Variants in CCDC175 observed in about 807,000 individuals in gnomAD.
CCDC175 encodes coiled-coil domain containing 175.
A neutral mutation model predicts 114.6 loss-of-function variants in CCDC175; 100 were observed. That is an observed-to-expected ratio of 0.87 (90% confidence interval 0.74 to 1.03). The LOEUF (loss-of-function observed/expected upper bound fraction) is 1.03, where lower values mean the gene tolerates loss of function less well. Ranked by LOEUF, CCDC175 falls within the 50% of genes least tolerant of loss-of-function variation. The pLI is 0.00. For synonymous variants in CCDC175, 306 were observed against 308.7 expected, an observed-to-expected ratio of 0.99 and a Z score of 0.09; for missense variants, 880 against 917.8, an observed-to-expected ratio of 0.96 and a Z score of 0.53.
chr14:59,541,330 C>T (rs1443419519), intron 10 of CCDC175, among the ~76,000 whole-genome samples: 1 of 152,158 alleles, frequency 6.6e-6, no homozygotes, highest in Non-Finnish European at 1.5e-5. Flanking sequence ...AGAAGATTTT[C>T]TTGTGGTAGG....
chr14:59,574,279 T>C (rs1415411686), intron 2 of CCDC175, among the ~76,000 whole-genome samples: 9 of 152,210 alleles, frequency 5.9e-5, no homozygotes, highest in African/African-American at 1.9e-4. Flanking sequence ...TAAATTCTTA[T>C]CCAATATTTT....
intron 13 of CCDC175, among the ~76,000 whole-genome samples, chr14:59,535,904 T>C (rs933832807): frequency 1.6e-5 from 2 of 124,272 alleles, no homozygotes; most frequent in African/African-American, 6.7e-5. Context: ...AATATCATGC[T>C]CCTTTGGGGC....
At chr14:59,511,351 T>A (rs1231081672) in intron 18 of CCDC175, among the ~76,000 whole-genome samples, 1 of 152,088 alleles carries the variant, frequency 6.6e-6, no homozygotes, top group Non-Finnish European at 1.5e-5. Context: ...CCCCAGCCTA[T>A]CTGACTCTGA....
intron 7 of CCDC175, among the ~76,000 whole-genome samples, chr14:59,560,555 T>C (rs1208223131): frequency 2.0e-5 from 3 of 152,160 alleles, no homozygotes; most frequent in Non-Finnish European, 1.5e-5. Flanking sequence ...GACATTGCCA[T>C]GTGCTCACCA....
intron 13 of CCDC175, among the ~76,000 whole-genome samples, chr14:59,532,469 G>A (rs1894124294): frequency 6.6e-6 from 1 of 152,184 alleles, no homozygotes; most frequent in Non-Finnish European, 1.5e-5. Flanking sequence ...ATTTTAAATG[G>A]TGACTAAGGC....
chr14:59,525,266 G>A lies in CCDC175; in HGVS notation c.1995+16C>T. 7.0e-7 allele frequency: 1 copy of A among 1,420,774 alleles called. No individual in the cohort carries two copies. Among genetic ancestry groups the A allele is most frequent in the Non-Finnish European group, 9.1e-7 (1 of 1,093,562 alleles). 88.0% of individuals were successfully genotyped at this position (1,420,774 alleles called of 1,614,324 possible). On this transcript the variant is annotated intron_variant, in intron 16 of 19. Coordinates refer to ENST00000537690, the MANE Select transcript of CCDC175 (RefSeq NM_001164399.2). ...AATCAAAGCCATCATGAAAAGGATG[G>A]TGCTCTTAAACTTACTTCTTTTAAT...
At chr14:59,539,990 G>A (rs1894670526) in intron 11 of CCDC175, among the ~76,000 whole-genome samples, 1 of 152,176 alleles carries the variant, frequency 6.6e-6, no homozygotes, top group Non-Finnish European at 1.5e-5. Context: ...AGAATCGCTT[G>A]AACCTGGGAG....
intron 10 of CCDC175, 117 bp from the exon 11 acceptor site, chr14:59,540,863 A>T: frequency 8.2e-6 from 7 of 852,640 alleles, no homozygotes; most frequent in Non-Finnish European, 1.1e-5. Flanking sequence ...GAGACAAAAT[A>T]AGCCTTGTGA....
chr14:59,566,140 A>G (rs1896526766), intron 4 of CCDC175, among the ~76,000 whole-genome samples: 1 of 152,124 alleles, frequency 6.6e-6, no homozygotes, highest in East Asian at 1.9e-4. Context: ...GAGCCCTCTT[A>G]CCTTCTCCCA....
chr14:59,558,760 G>T (rs1896063802), intron 7 of CCDC175, among the ~76,000 whole-genome samples: 1 of 152,132 alleles, frequency 6.6e-6, no homozygotes, highest in Non-Finnish European at 1.5e-5. Flanking sequence ...TACAGTATCT[G>T]CATTTAGAGC....
chr14:59,576,661 A>G lies in CCDC175; in HGVS notation c.115T>C (p.Ser39Pro). 5.4e-6 allele frequency: 8 copies of G among 1,476,436 alleles called. No homozygotes were observed. The highest frequency in any genetic ancestry group is 7.1e-6 in the Non-Finnish European group (8 of 1,121,566). The allele number at this position is 1,476,436 out of a possible 1,614,324, so 91.5% of individuals were successfully genotyped here. Residue 39 changes from serine (S) to proline (P), a missense_variant, in exon 1 of 20, where the codon TCC (serine) becomes CCC (proline). Physicochemically the swap from Ser to Pro is moderately conservative, Grantham distance 74. Transcript: ENST00000537690. Reference protein sequence around the residue: ...ELCTLPSTLGSSVAVEALEQL... With the variant: ...ELCTLPSTLGPSVAVEALEQL... Reference sequence around the variant, plus strand: ...TCCAGCGCCTCGACCGCGACCGAGGAGCCCAGGGTGGAGGGTAAGGTGCAT... The same window carrying G: ...TCCAGCGCCTCGACCGCGACCGAGGGGCCCAGGGTGGAGGGTAAGGTGCAT...
chr14:59,532,551 G>A (rs1894128067), intron 13 of CCDC175, among the ~76,000 whole-genome samples: 1 of 152,194 alleles, frequency 6.6e-6, no homozygotes, highest in Non-Finnish European at 1.5e-5. Flanking sequence ...TTTCAGCTGA[G>A]CACATGGCTT....
Position 59,531,811 on chromosome 14 carries a change from T to C in CCDC175, c.1723A>G (p.Lys575Glu). Residue 575 changes from lysine (K) to glutamate (E), a missense_variant, in exon 14 of 20, where the codon AAA (lysine) becomes GAA (glutamate). By Grantham distance (56) the Lys-to-Glu change is moderately conservative. Coordinates refer to ENST00000537690, the MANE Select transcript of CCDC175 (RefSeq NM_001164399.2). ...LQVAEQEYKE[K>E]RRKLEELSNI... The stretch of plus-strand genomic sequence containing the variant: ...CTGAGCTCTTCTAACTTTCTTCTTT[T>C]CTCTTTATACTCTTGTTCTGCCACC... 6.7e-7 allele frequency: 1 copy of C among 1,498,058 alleles called. No individual in the cohort carries two copies. The highest frequency in any genetic ancestry group is 8.9e-7 in the Non-Finnish European group (1 of 1,118,662). 92.8% of individuals were successfully genotyped at this position (1,498,058 alleles called of 1,614,324 possible).
chr14:59,555,271 C>G (rs952748799), intron 7 of CCDC175, among the ~76,000 whole-genome samples: 1 of 152,170 alleles, frequency 6.6e-6, no homozygotes, highest in African/African-American at 2.4e-5. Context: ...CCACCATGAT[C>G]AAGTGGGCTT....
At chr14:59,557,283 G>T (rs1895959095) in intron 7 of CCDC175, among the ~76,000 whole-genome samples, 1 of 152,070 alleles carries the variant, frequency 6.6e-6, no homozygotes, top group Non-Finnish European at 1.5e-5. Flanking sequence ...ATACTATGCA[G>T]CCATAAAAAA....
intron 18 of CCDC175, among the ~76,000 whole-genome samples, 198 bp from the exon 19 acceptor site, chr14:59,511,006 GAAT>G (rs1204819143): frequency 2.0e-5 from 3 of 152,204 alleles, no homozygotes; most frequent in African/African-American, 7.2e-5. Flanking sequence ...GAAGTGAGAA[GAAT>G]AATGGAATGC....
intron 7 of CCDC175, among the ~76,000 whole-genome samples, chr14:59,552,361 C>A (rs1043419004): frequency 3.3e-5 from 5 of 152,234 alleles, no homozygotes; most frequent in African/African-American, 1.2e-4. Context: ...CAAACAGGGT[C>A]TGGAGTGGAC....
chr14:59,521,508 A>C, intron 17 of CCDC175, 66 bp downstream of exon 17: 1 of 848,232 alleles, frequency 1.2e-6, no homozygotes, highest in Non-Finnish European at 1.9e-6. Context: ...TCATATATAC[A>C]TATATCCTAT....
intron 4 of CCDC175, among the ~76,000 whole-genome samples, chr14:59,565,654 C>T (rs1255541619): frequency 6.6e-6 from 1 of 151,896 alleles, no homozygotes; most frequent in Admixed American, 6.6e-5. Context: ...TTGCAGTGAG[C>T]CGAGATCATG....
Sources: gnomAD v4.1 joint callset for allele counts (sites outside exome capture counted in the v4.1 genomes callset) on GRCh38, gnomAD v4.1.1 for gene constraint, MANE v1.5 for transcripts, NCBI Gene and HGNC (gene_info 2026-07-23, HGNC 2026-07-21) for gene names.